The following PLAAT1 variants were observed in gnomAD, a reference collection of about 807,000 sequenced individuals.
PLAAT1 encodes H-REV107 protein-related protein.
PLAAT1 carries 13 observed loss-of-function variants against 16.4 expected under a neutral mutation model. That is an observed-to-expected ratio of 0.79 (90% CI 0.52 to 1.26). PLAAT1 has a LOEUF of 1.26. PLAAT1 is among the 50% of genes most tolerant of loss of function. PLAAT1 has a pLI of 0.00. For synonymous variants in PLAAT1, 73 were observed against 78.4 expected, an observed-to-expected ratio of 0.93 and a Z score of 0.36; for missense variants, 218 against 207.8, an observed-to-expected ratio of 1.05 and a Z score of -0.30.
downstream of PLAAT1, among the ~76,000 whole-genome samples, chr3:193,280,130 A>G (rs1717418456): frequency 1.3e-5 from 2 of 151,964 alleles, no homozygotes; most frequent in Admixed American, 1.3e-4. Flanking sequence ...GGCTCACTGC[A>G]ACCTCCGCCT....
At chr3:193,260,629 C>G (rs1046844969) in intron 2 of PLAAT1, among the ~76,000 whole-genome samples, 6 of 151,668 alleles carry the variant, frequency 4.0e-5, no homozygotes, top group African/African-American at 1.2e-4. Context: ...AAATGCAAAT[C>G]AAAACCACAA....
At chr3:193,279,278 A>G (rs1717369507), downstream of PLAAT1, 1 of 1,058,166 alleles carries the variant, frequency 9.5e-7, no homozygotes, top group Non-Finnish European at 1.4e-6. Context: ...GGTCAAAGAG[A>G]ATACAGTAAT....
In PLAAT1 at chr3:193,241,338, G is replaced by C. The variant is rs1715731911; in HGVS notation, c.-196G>C. Reference sequence around the variant, plus strand: ...CCGCCGGGACCGTTTCAGCGTGGCGGCGCTGGTGCTGGCGTTGGCCCTGGA... The same window carrying C: ...CCGCCGGGACCGTTTCAGCGTGGCGCCGCTGGTGCTGGCGTTGGCCCTGGA... On this transcript the variant is annotated 5_prime_UTR_variant, in exon 1 of 4. Coordinates refer to ENST00000264735, the MANE Select transcript of PLAAT1 (RefSeq NM_020386.5). 8.1e-7 allele frequency: 1 copy of C among 1,231,340 alleles called. No individual in the cohort carries two copies. The highest frequency in any genetic ancestry group is 1.0e-6 in the Non-Finnish European group (1 of 987,788). 76.3% of individuals were successfully genotyped at this position (1,231,340 alleles called of 1,614,324 possible).
At chr3:193,279,105 A>G (rs1007995723), downstream of PLAAT1, among the ~76,000 whole-genome samples, 1 of 152,182 alleles carries the variant, frequency 6.6e-6, no homozygotes, top group Non-Finnish European at 1.5e-5. Flanking sequence ...TTGTATTGGT[A>G]TAACATAGCA....
intron 3 of PLAAT1, among the ~76,000 whole-genome samples, chr3:193,269,341 G>A (rs900377569): frequency 6.6e-6 from 1 of 152,232 alleles, no homozygotes; most frequent in Non-Finnish European, 1.5e-5. Context: ...GGGGGTTGGA[G>A]CAGAGACAGT....
Position 193,263,170 on chromosome 3 carries a change from T to C in PLAAT1, c.340T>C (p.Leu114=). The C allele has an allele frequency of 1.2e-6, 2 of 1,614,174 alleles. No homozygotes were observed. Among genetic ancestry groups the C allele is most frequent in the Non-Finnish European group, 8.5e-7 (1 of 1,180,016 alleles). The change falls in exon 3 of 4, where the codon TTA becomes CTA. Residue 114 remains leucine (L), a synonymous_variant. Coordinates refer to ENST00000264735, the MANE Select transcript of PLAAT1 (RefSeq NM_020386.5). The part of the protein sequence containing the change: ...FVIGQEVAYN[L]LVNNCEHFVT... Reference sequence around the variant, plus strand: ...AATTGGACAGGAGGTGGCCTATAACTTACTTGTCAACAACTGTGAACATTT... The same window carrying C: ...AATTGGACAGGAGGTGGCCTATAACCTACTTGTCAACAACTGTGAACATTT...
downstream of PLAAT1, among the ~76,000 whole-genome samples, chr3:193,280,632 G>A (rs1054619688): frequency 6.6e-6 from 1 of 152,116 alleles, no homozygotes; most frequent in Non-Finnish European, 1.5e-5. Flanking sequence ...CGGATGCACT[G>A]TGACAGCATC....
chr3:193,267,861 G>A (rs886813394), intron 3 of PLAAT1, among the ~76,000 whole-genome samples: 15 of 152,248 alleles, frequency 9.9e-5, no homozygotes, highest in African/African-American at 3.1e-4. Flanking sequence ...CCACATCCTT[G>A]CCAGCATTTG....
chr3:193,272,114 T>C (rs1334598362), downstream of PLAAT1, among the ~76,000 whole-genome samples: 1 of 152,136 alleles, frequency 6.6e-6, no homozygotes, highest in Non-Finnish European at 1.5e-5. Flanking sequence ...CAAGTCTCTG[T>C]TCCTTTTATG....
intron 1 of PLAAT1, among the ~76,000 whole-genome samples, chr3:193,247,654 A>G (rs1281836562): frequency 6.6e-6 from 1 of 152,080 alleles, no homozygotes; most frequent in Admixed American, 6.5e-5. Flanking sequence ...TTGTCTCAAG[A>G]TATTTTTAAA....
intron 3 of PLAAT1, among the ~76,000 whole-genome samples, chr3:193,267,306 A>G (rs1443185581): frequency 1.3e-5 from 2 of 152,190 alleles, no homozygotes; most frequent in Non-Finnish European, 2.9e-5. Context: ...CCATTATTAT[A>G]GTATTATAAA....
chr3:193,243,738 C>T (rs745432810), intron 1 of PLAAT1, among the ~76,000 whole-genome samples: 2 of 152,176 alleles, frequency 1.3e-5, no homozygotes, highest in Non-Finnish European at 1.5e-5. Flanking sequence ...CTTAACTCAT[C>T]TGAGTCTCAG....
downstream of PLAAT1, among the ~76,000 whole-genome samples, chr3:193,271,801 C>T (rs188193183): frequency 4.9e-3 from 746 of 152,148 alleles, 7 homozygotes; most frequent in Middle Eastern, 0.024. Flanking sequence ...ACAGAGGACT[C>T]GGTGAAAGTC....
At chr3:193,245,405 G>A in intron 1 of PLAAT1, among the ~76,000 whole-genome samples, 1 of 152,094 alleles carries the variant, frequency 6.6e-6, no homozygotes. Flanking sequence ...TTATTTCAAT[G>A]TGTATATGTA....
At chr3:193,276,932 CT>C in intron 2 of PLAAT1, 1 of 863,984 alleles carries the variant, frequency 1.2e-6, no homozygotes, top group Non-Finnish European at 1.8e-6. Context: ...ACTCTCTGAG[CT>C]TAGTGGTGGG....
chr3:193,263,094 A>AACGT lies in PLAAT1; in HGVS notation c.267_270dup (p.Pro91ValfsTer24), dbSNP rs774231780. The AACGT allele has an allele frequency of 3.0e-5, 49 of 1,614,208 alleles. No homozygotes were observed. In the African/African-American group the frequency reaches 6.3e-4, roughly 21 times the overall value. On this transcript the variant is annotated frameshift_variant, in exon 3 of 4. Transcript: ENST00000264735. LOFTEE classifies it high-confidence loss of function. The stretch of plus-strand genomic sequence containing the variant: ...ACAGAATAAACAATAAATACGATGA[A>AACGT]ACGTACCCCCCTCTCCCTGTGGAAG...
rs528571275 is a variant in PLAAT1, at chr3:193,263,335, T to G, written c.405+100T>G. The G allele has an allele frequency of 5.7e-5, 64 of 1,131,578 alleles. No homozygotes were observed. The East Asian group carries it at 1.5e-3, about 27-fold the overall frequency. 70.1% of individuals were successfully genotyped at this position (1,131,578 alleles called of 1,614,324 possible). Reference sequence around the variant, plus strand: ...AAACCAAATGAAAAGAACCAGAAAATACGAGAATACTGAAGGATAGAGAAT... The same window carrying G: ...AAACCAAATGAAAAGAACCAGAAAAGACGAGAATACTGAAGGATAGAGAAT... On this transcript the variant is annotated intron_variant, in intron 3 of 3. Coordinates refer to ENST00000264735, the MANE Select transcript of PLAAT1 (RefSeq NM_020386.5).
intron 1 of PLAAT1, among the ~76,000 whole-genome samples, chr3:193,248,898 G>A (rs1001395523): frequency 6.6e-6 from 1 of 152,066 alleles, no homozygotes; most frequent in Admixed American, 6.6e-5. Context: ...TTACCAGTGA[G>A]TTTTTATTTT....
chr3:193,278,002 C>G (rs1476482852), downstream of PLAAT1, among the ~76,000 whole-genome samples: 1 of 152,154 alleles, frequency 6.6e-6, no homozygotes, highest in African/African-American at 2.4e-5. Flanking sequence ...CGGGGTTTTA[C>G]CATGTTGGCC....
Sources: allele counts gnomAD v4.1 joint callset (sites outside exome capture counted in the v4.1 genomes callset), GRCh38; gene constraint gnomAD v4.1.1; transcripts MANE v1.5; gene names NCBI Gene and HGNC (gene_info 2026-07-23, HGNC 2026-07-21).